The following SUCLG2 variants were observed in gnomAD, a reference collection of about 807,000 sequenced individuals.
SUCLG2 encodes succinate-CoA ligase GDP-forming subunit beta, also known as succinate--CoA ligase [GDP-forming] subunit beta, mitochondrial.
SUCLG2 carries 42 observed loss-of-function variants against 47.9 expected under a neutral mutation model. The observed-to-expected ratio is 0.88, with a 90% CI of 0.69 to 1.14. SUCLG2 has a LOEUF of 1.14. Among genes scored for constraint, SUCLG2 ranks in the 50% most tolerant of loss-of-function variants. SUCLG2 has a pLI of 0.00. For missense variants in SUCLG2, 571 were observed against 525.9 expected (o/e 1.09, Z -0.84); for synonymous variants, 195 against 197.3 (o/e 0.99, Z 0.10).
At chr3:67,399,768 T>G (rs972170384) in intron 10 of SUCLG2, among the ~76,000 whole-genome samples, 7 of 152,204 alleles carry the variant, frequency 4.6e-5, no homozygotes, top group African/African-American at 1.7e-4. Flanking sequence ...TAATGGAATA[T>G]GAAAAGTTCA....
At chr3:67,444,343 T>A (rs1295849183) in intron 9 of SUCLG2, among the ~76,000 whole-genome samples, 1 of 55,738 alleles carries the variant, frequency 1.8e-5, no homozygotes, top group African/African-American at 6.8e-5. Context: ...GTGGGGGGGT[T>A]AGCCCCCCGC....
chr3:67,470,549 C>T (rs1314607436), intron 9 of SUCLG2, among the ~76,000 whole-genome samples: 2 of 152,132 alleles, frequency 1.3e-5, no homozygotes, highest in Non-Finnish European at 2.9e-5. Context: ...GTCTTTATTG[C>T]AAAAGTTGGT....
chr3:67,559,230 T>G (rs1707242263), intron 2 of SUCLG2, among the ~76,000 whole-genome samples: 1 of 152,158 alleles, frequency 6.6e-6, no homozygotes, highest in Non-Finnish European at 1.5e-5. Flanking sequence ...AGAGGTCTTT[T>G]TCGATTGTAG....
intron 1 of SUCLG2, among the ~76,000 whole-genome samples, chr3:67,653,751 A>G (rs1232772125): frequency 1.3e-5 from 2 of 152,238 alleles, no homozygotes; most frequent in African/African-American, 2.4e-5. Flanking sequence ...ACTTTCCTGA[A>G]GTCCTTCTGA....
chr3:67,637,305 G>C (rs2107362125), intron 1 of SUCLG2, among the ~76,000 whole-genome samples: 1 of 152,212 alleles, frequency 6.6e-6, no homozygotes, highest in East Asian at 1.9e-4. Flanking sequence ...TTAGATTCAG[G>C]AATATGACTC....
chr3:67,536,437 CACAA>C (rs1467252122), intron 2 of SUCLG2, among the ~76,000 whole-genome samples: 6 of 152,216 alleles, frequency 3.9e-5, no homozygotes, highest in Non-Finnish European at 8.8e-5. Context: ...CACAGGCAAT[CACAA>C]CTACTGTCCA....
intron 2 of SUCLG2, among the ~76,000 whole-genome samples, chr3:67,603,949 T>C (rs78165229): frequency 6.6e-6 from 1 of 152,170 alleles, no homozygotes; most frequent in East Asian, 1.9e-4. Context: ...ATAAGCCTCC[T>C]AAGAAAATTG....
chr3:67,420,447 A>G (rs1237808241), intron 9 of SUCLG2, among the ~76,000 whole-genome samples: 1 of 152,238 alleles, frequency 6.6e-6, no homozygotes, highest in Non-Finnish European at 1.5e-5. Context: ...AAGAGAAGTA[A>G]GGGAAAGAAT....
intron 10 of SUCLG2, among the ~76,000 whole-genome samples, chr3:67,400,489 G>A (rs189573646): frequency 2.1e-4 from 32 of 152,046 alleles, no homozygotes; most frequent in African/African-American, 7.7e-4. Context: ...TAAATAAAAG[G>A]GCTTTTGCTC....
At chr3:67,588,083 A>T (rs1028639288) in intron 2 of SUCLG2, among the ~76,000 whole-genome samples, 3 of 152,242 alleles carry the variant, frequency 2.0e-5, no homozygotes, top group African/African-American at 7.2e-5. Context: ...CATTTTCCAT[A>T]ACAGACAATG....
chr3:67,468,401 T>A (rs1000665778), intron 9 of SUCLG2, among the ~76,000 whole-genome samples: 10 of 152,164 alleles, frequency 6.6e-5, no homozygotes, highest in Admixed American at 5.2e-4. Flanking sequence ...CTCTAATCCA[T>A]CCAGCTCCTT....
At chr3:67,606,766 T>A (rs1294065606) in intron 2 of SUCLG2, among the ~76,000 whole-genome samples, 1 of 152,172 alleles carries the variant, frequency 6.6e-6, no homozygotes, top group African/African-American at 2.4e-5. Flanking sequence ...CATCTGAAAG[T>A]CACAAATTAA....
chr3:67,457,796 C>A (rs1313042380), intron 9 of SUCLG2, among the ~76,000 whole-genome samples: 1 of 147,078 alleles, frequency 6.8e-6, no homozygotes, highest in Non-Finnish European at 1.5e-5. Context: ...CTTTACCATG[C>A]ATGAGACACA....
intron 10 of SUCLG2, among the ~76,000 whole-genome samples, chr3:67,377,198 G>A (rs1702052746): frequency 6.6e-6 from 1 of 152,184 alleles, no homozygotes; most frequent in African/African-American, 2.4e-5. Flanking sequence ...GGTCACAGAG[G>A]CGGTAAGTGT....
At chr3:67,631,081 G>A (rs1700917673) in intron 1 of SUCLG2, among the ~76,000 whole-genome samples, 1 of 152,184 alleles carries the variant, frequency 6.6e-6, no homozygotes, top group African/African-American at 2.4e-5. Flanking sequence ...GCAGGCTGAT[G>A]CTCTCTTACA....
Position 67,563,035 on chromosome 3 carries a change from A to G in SUCLG2, c.227-33849T>C, listed in dbSNP as rs145578669. On this transcript the variant is annotated intron_variant, in intron 2 of 10. Coordinates refer to ENST00000307227, the MANE Select transcript of SUCLG2 (RefSeq NM_003848.4). ...TGTTTGATATAGCTTAGGAATTATA[A>G]TGTGTACGATTTACATTCTATTTAT... is the stretch of plus-strand genomic sequence containing the variant. Among the ~76,000 whole-genome samples, 737 of 150,596 alleles carry G rather than the reference A, an allele frequency of 4.9e-3. 2 individuals carry two copies. The highest frequency in any genetic ancestry group is 7.3e-3 in the Non-Finnish European group (491 of 67,688).
intron 2 of SUCLG2, among the ~76,000 whole-genome samples, chr3:67,555,354 A>G (rs904042483): frequency 1.3e-5 from 2 of 152,186 alleles, no homozygotes; most frequent in African/African-American, 4.8e-5. Context: ...ATACTCATAT[A>G]TATTTGTGTG....
chr3:67,429,528 G>A (rs1703420620), intron 9 of SUCLG2, among the ~76,000 whole-genome samples: 1 of 152,198 alleles, frequency 6.6e-6, no homozygotes, highest in Non-Finnish European at 1.5e-5. Flanking sequence ...ATGCTAGGAA[G>A]AAACTGCATC....
At chr3:67,406,499 A>G (rs1702813922) in intron 9 of SUCLG2, among the ~76,000 whole-genome samples, 1 of 152,216 alleles carries the variant, frequency 6.6e-6, no homozygotes, top group African/African-American at 2.4e-5. Context: ...CATTTAAGCT[A>G]GAGTCTGAAG....
Sources: gnomAD v4.1 joint callset for allele counts (sites outside exome capture counted in the v4.1 genomes callset) on GRCh38, gnomAD v4.1.1 for gene constraint, MANE v1.5 for transcripts, NCBI Gene and HGNC (gene_info 2026-07-23, HGNC 2026-07-21) for gene names.